ANK2: variants seen among roughly 807,000 people sequenced by gnomAD.
ANK2 encodes the protein ankyrin 2.
ANK2 carries 83 observed loss-of-function variants against 360.5 expected under a neutral mutation model. That is an observed-to-expected ratio of 0.23 (90% confidence interval 0.19 to 0.28). The LOEUF is 0.28. ANK2 is among the 10% of genes least tolerant of loss of function. ANK2 has a pLI of 1.00. For missense variants in ANK2, 4,201 were observed against 4,795.7 expected, an observed-to-expected ratio of 0.88 and a Z score of 3.66; for synonymous variants, 1,740 against 1,759.5, an observed-to-expected ratio of 0.99 and a Z score of 0.28.
At position 112,984,770 on chromosome 4, in the gene ANK2, C is replaced by T. The variant is rs2044292501; in HGVS notation, c.21+80256C>T. ...TCCAAAATGCTTTGCTGTTAAAGTT[C>T]ATTCTCATGGTCAGAAGTGAGCTCA... is the stretch of plus-strand genomic sequence containing the variant. On this transcript the variant is annotated intron_variant, in intron 2 of 30. Coordinates refer to the ANK2 transcript ENST00000503271. 2.0e-5 allele frequency among the ~76,000 whole-genome samples: 3 copies of T among 152,172 alleles called. No homozygotes were observed. The South Asian group carries it at 6.2e-4, about 32-fold the overall frequency.
intron 32 of ANK2, 124 bp from the exon 33 acceptor site, chr4:113,341,564 C>T: frequency 1.1e-6 from 1 of 948,990 alleles, no homozygotes; most frequent in Non-Finnish European, 1.6e-6. Flanking sequence ...CATTATCTCC[C>T]TCTCTCACTT....
chr4:113,372,462 T>C (rs998460175), intron 43 of ANK2: 1 of 988,932 alleles, frequency 1.0e-6, no homozygotes, highest in African/African-American at 1.6e-5. Context: ...CAATGTAAGC[T>C]AAAGAAGAAA....
intron 14 of ANK2, among the ~76,000 whole-genome samples, chr4:113,272,406 T>C (rs2058875257): frequency 6.6e-6 from 1 of 152,190 alleles, no homozygotes; most frequent in Admixed American, 6.5e-5. Flanking sequence ...CTTCCCCAAT[T>C]CTTTTCCCTG....
intron 2 of ANK2, among the ~76,000 whole-genome samples, chr4:112,942,549 C>T (rs1462725096): frequency 6.6e-6 from 1 of 151,890 alleles, no homozygotes; most frequent in Non-Finnish European, 1.5e-5. Context: ...AAGTGTACTG[C>T]CGCTTATGAG....
In ANK2 at chr4:113,277,875, A is replaced by T. The variant is rs754496484; in HGVS notation, c.1722A>T (p.Gly574=). Residue 574 remains glycine (G), a synonymous_variant, in exon 16 of 46, where the codon GGA becomes GGT. Coordinates refer to ENST00000357077, the MANE Select transcript of ANK2 (RefSeq NM_001148.6). ...CCCTGCATGTAGCAGCCAAGTATGG[A>T]AGCCTGGATGTGGCAAAACTTCTCT... ...FTPLHVAAKY[G]SLDVAKLLLQ... 2.5e-6 allele frequency: 4 copies of T among 1,614,118 alleles called. No homozygotes were observed. The highest frequency in any genetic ancestry group is 3.4e-6 in the Non-Finnish European group (4 of 1,179,940).
the ANK2 span, among the ~76,000 whole-genome samples, chr4:112,709,529 G>A: frequency 1.3e-5 from 2 of 152,050 alleles, no homozygotes; most frequent in South Asian, 2.1e-4. Context: ...TGGGAGTATC[G>A]CCTGAGATCC....
chr4:113,026,040 C>T (rs963557305), intron 2 of ANK2, among the ~76,000 whole-genome samples: 6 of 152,124 alleles, frequency 3.9e-5, no homozygotes, highest in African/African-American at 1.4e-4. Context: ...GGTCATTTTG[C>T]ACTTTGGCAT....
chr4:112,730,606 C>T, the ANK2 span, among the ~76,000 whole-genome samples: 1 of 123,264 alleles, frequency 8.1e-6, no homozygotes, highest in African/African-American at 3.1e-5. Context: ...CGTTGCACTC[C>T]AGCCTGGGCA....
chr4:113,310,086 C>G (rs2079134166), intron 23 of ANK2, among the ~76,000 whole-genome samples: 1 of 152,040 alleles, frequency 6.6e-6, no homozygotes, highest in African/African-American at 2.4e-5. Context: ...ATAAACCTTC[C>G]TCACCCTACC....
At chr4:113,299,723 A>T (rs1344778926) in intron 22 of ANK2, among the ~76,000 whole-genome samples, 3 of 150,736 alleles carry the variant, frequency 2.0e-5, no homozygotes, top group African/African-American at 7.4e-5. Flanking sequence ...AAAAAAAAAA[A>T]GTTGAATAAG....
chr4:113,353,153 A>G lies in ANK2; in HGVS notation c.4535A>G (p.Gln1512Arg). 6.2e-7 allele frequency: 1 copy of G among 1,614,100 alleles called. No homozygotes were observed. The change falls in exon 38 of 46, where the codon CAA becomes CGA. Residue 1512 changes from glutamine to arginine, a missense_variant. By Grantham distance (43) the Gln-to-Arg change is conservative. This residue lies in a region of ANK2 where 1,268 missense variants were observed against 1,650.8 expected (regional missense o/e 0.77). Transcript: ENST00000357077. ...CTCTCTGAAGTTTCTGAGATGAAAC[A>G]AGATTTGATCAAAATGACCGCCATC... ...DLLSEVSEMK[Q>R]DLIKMTAILT...
intron 13 of ANK2, among the ~76,000 whole-genome samples, chr4:113,260,637 C>A (rs950283797): frequency 3.3e-5 from 5 of 152,080 alleles, no homozygotes; most frequent in African/African-American, 1.2e-4. Context: ...ATGACCCATG[C>A]AATAGTTAAG....
At chr4:113,052,979 G>GT (rs769977341) in intron 1 of ANK2, among the ~76,000 whole-genome samples, 2 of 152,198 alleles carry the variant, frequency 1.3e-5, no homozygotes, top group African/African-American at 2.4e-5. Flanking sequence ...AGCTATAGTT[G>GT]TAAGGAGGCA....
At chr4:113,118,494 T>C (rs72892017) in intron 1 of ANK2, among the ~76,000 whole-genome samples, 1,808 of 152,292 alleles carry the variant, frequency 0.012, 36 homozygotes, top group African/African-American at 0.041. Flanking sequence ...AGAACCAACA[T>C]TGAGTTGAGA....
intron 2 of ANK2, among the ~76,000 whole-genome samples, chr4:112,984,856 A>T (rs371029414): frequency 6.6e-6 from 1 of 152,346 alleles, no homozygotes; most frequent in East Asian, 1.9e-4. Context: ...CAATTACATT[A>T]CCAGTGTGTG....
intron 2 of ANK2, among the ~76,000 whole-genome samples, chr4:112,910,365 A>G (rs1456591361): frequency 6.6e-6 from 1 of 152,208 alleles, no homozygotes; most frequent in African/African-American, 2.4e-5. Flanking sequence ...AGGACCTGTC[A>G]CAGAAAAGCT....
At chr4:112,988,449 G>A (rs778737510) in intron 2 of ANK2, among the ~76,000 whole-genome samples, 3 of 152,178 alleles carry the variant, frequency 2.0e-5, no homozygotes, top group Non-Finnish European at 2.9e-5. Context: ...GTTCTGAGAT[G>A]TGAAAGAAAG....
intron 1 of ANK2, among the ~76,000 whole-genome samples, chr4:113,125,760 A>G (rs936982006): frequency 7.2e-5 from 11 of 152,150 alleles, no homozygotes; most frequent in African/African-American, 2.4e-4. Context: ...TTTTGAGCTG[A>G]CACTATGTCG....
the ANK2 span, among the ~76,000 whole-genome samples, chr4:112,812,925 G>A: frequency 6.6e-6 from 1 of 152,028 alleles, no homozygotes; most frequent in African/African-American, 2.4e-5. Context: ...TTTTTAGTGA[G>A]GAATGGTATT....
Sources: allele counts gnomAD v4.1 joint callset (sites outside exome capture counted in the v4.1 genomes callset), GRCh38; gene constraint gnomAD v4.1.1; regional missense constraint gnomAD v4.1.1; transcripts MANE v1.5; gene names NCBI Gene and HGNC (gene_info 2026-07-23, HGNC 2026-07-21).